The following TAFA2 variants were observed in gnomAD, a reference collection of about 807,000 sequenced individuals.
The protein encoded by TAFA2 is TAFA chemokine like family member 2.
TAFA2 carries 7 observed loss-of-function variants against 18.8 expected under a neutral mutation model. The observed-to-expected ratio is 0.37, with a 90% CI of 0.21 to 0.70. TAFA2 has a LOEUF of 0.70. Ranked by LOEUF, TAFA2 falls within the 30% of genes least tolerant of loss-of-function variation. The pLI is 0.53. For synonymous variants in TAFA2, 60 were observed against 54.2 expected (o/e 1.11, Z -0.47); for missense variants, 122 against 158.1 (o/e 0.77, Z 1.23).
At chr12:62,002,396 G>A (rs1880408587) in intron 1 of TAFA2, among the ~76,000 whole-genome samples, 1 of 152,090 alleles carries the variant, frequency 6.6e-6, no homozygotes, top group East Asian at 1.9e-4. Flanking sequence ...CCTCCCTTGT[G>A]TCTCAAGTAT....
chr12:61,709,900 A>G lies in TAFA2; in HGVS notation c.*506T>C, dbSNP rs923062333. The G allele has an allele frequency of 6.5e-6, 1 of 152,770 alleles. No homozygotes were observed. The highest frequency in any genetic ancestry group is 6.6e-5 in the Admixed American group (1 of 15,262). 9.5% of individuals were successfully genotyped at this position (152,770 alleles called of 1,614,324 possible). A position where few individuals can be genotyped will look rare whatever the true frequency, so the allele number is the denominator to read the frequency against. On this transcript the variant is annotated 3_prime_UTR_variant, in exon 5 of 5. Coordinates refer to ENST00000416284, the MANE Select transcript of TAFA2 (RefSeq NM_178539.5). Reference sequence around the variant, plus strand: ...TTTCTGAGCTCCAAGATTAGGATATAAATAAAATTGTCTCAGTCTACACCA... The same window carrying G: ...TTTCTGAGCTCCAAGATTAGGATATGAATAAAATTGTCTCAGTCTACACCA...
intron 1 of TAFA2, among the ~76,000 whole-genome samples, chr12:61,898,468 G>A (rs372588819): frequency 9.2e-5 from 14 of 152,166 alleles, no homozygotes; most frequent in East Asian, 5.8e-4. Context: ...TACATCCTCC[G>A]AAATCTATGC....
intron 1 of TAFA2, among the ~76,000 whole-genome samples, chr12:62,212,291 T>C (rs1217753359): frequency 2.0e-5 from 3 of 152,200 alleles, no homozygotes; most frequent in Non-Finnish European, 2.9e-5. Flanking sequence ...TTTAATGATA[T>C]TCAGCAATGG....
chr12:61,902,949 A>G (rs1249024419), intron 1 of TAFA2, among the ~76,000 whole-genome samples: 4 of 151,960 alleles, frequency 2.6e-5, no homozygotes, highest in Non-Finnish European at 4.4e-5. Context: ...TCCCATTTTC[A>G]ACCTGTCATC....
chr12:61,801,334 C>G (rs1007770031), intron 2 of TAFA2, among the ~76,000 whole-genome samples: 21 of 151,980 alleles, frequency 1.4e-4, no homozygotes, highest in Non-Finnish European at 2.8e-4. Context: ...GCAAAAAGAA[C>G]AAAGCTGAAG....
chr12:61,954,998 C>T (rs532141877), intron 1 of TAFA2, among the ~76,000 whole-genome samples: 50 of 152,146 alleles, frequency 3.3e-4, no homozygotes, highest in African/African-American at 1.2e-3. Context: ...TAATATAACC[C>T]TTCCTGAATA....
intron 2 of TAFA2, among the ~76,000 whole-genome samples, chr12:61,863,600 A>C (rs1874218657): frequency 6.6e-6 from 1 of 152,178 alleles, no homozygotes; most frequent in African/African-American, 2.4e-5. Flanking sequence ...CTGACCAACC[A>C]AAATCCTGAA....
intron 4 of TAFA2, among the ~76,000 whole-genome samples, chr12:61,731,258 GT>G (rs763236975): frequency 2.6e-4 from 40 of 152,082 alleles, no homozygotes; most frequent in Non-Finnish European, 4.7e-4. Flanking sequence ...TGGGTACTGA[GT>G]TTTTTGTCTG....
At chr12:62,183,934 A>T (rs1188401382) in intron 1 of TAFA2, among the ~76,000 whole-genome samples, 1 of 152,222 alleles carries the variant, frequency 6.6e-6, no homozygotes, top group Admixed American at 6.5e-5. Context: ...AACCCTAAAA[A>T]ACCTGAGACC....
At chr12:61,874,236 AC>A (rs767023771) in intron 1 of TAFA2, among the ~76,000 whole-genome samples, 16 of 152,194 alleles carry the variant, frequency 1.1e-4, no homozygotes, top group Non-Finnish European at 2.2e-4. Flanking sequence ...GATTAGCCTA[AC>A]TAGGTCATAT....
intron 1 of TAFA2, among the ~76,000 whole-genome samples, chr12:61,959,517 C>A (rs1399769084): frequency 6.6e-6 from 1 of 151,906 alleles, no homozygotes; most frequent in Non-Finnish European, 1.5e-5. Context: ...GCCAACTCAC[C>A]AAATTTTCTT....
intron 1 of TAFA2, among the ~76,000 whole-genome samples, chr12:62,030,965 C>T (rs1881442187): frequency 1.3e-5 from 2 of 152,142 alleles, no homozygotes. Context: ...TCTCAGGGCA[C>T]ATCAGCTCCT....
rs552524561 is a variant in TAFA2, at chr12:61,870,408, T to A, written c.-1-2982A>T. 2.2e-4 allele frequency among the ~76,000 whole-genome samples: 33 copies of A among 152,322 alleles called. 1 individual carries two copies. The South Asian group carries it at 6.6e-3, about 31-fold the overall frequency. On this transcript the variant is annotated intron_variant, in intron 1 of 4. Coordinates refer to ENST00000416284, the MANE Select transcript of TAFA2 (RefSeq NM_178539.5). ...TATTTAGTAAGTGCCTGATAAATTT[T>A]GTTGACTAAATGTAATGCATTCTCT...
chr12:61,920,628 A>AC, intron 1 of TAFA2, among the ~76,000 whole-genome samples: 1 of 152,118 alleles, frequency 6.6e-6, no homozygotes, highest in Non-Finnish European at 1.5e-5. Context: ...GTAAGTCTTC[A>AC]CTGTTTCTTG....
intron 1 of TAFA2, among the ~76,000 whole-genome samples, chr12:62,020,821 C>G (rs1225038457): frequency 6.6e-6 from 1 of 152,108 alleles, no homozygotes. Flanking sequence ...TTTTCTGTAG[C>G]CTGGTTTTAT....
At chr12:61,997,197 A>G (rs368766501) in intron 1 of TAFA2, among the ~76,000 whole-genome samples, 16,393 of 132,600 alleles carry the variant, frequency 0.12, 1,034 homozygotes, top group Middle Eastern at 0.19. Flanking sequence ...GTGTGTATAT[A>G]TATATATATA....
intron 4 of TAFA2, among the ~76,000 whole-genome samples, chr12:61,739,375 C>T (rs955671152): frequency 4.6e-5 from 7 of 152,024 alleles, no homozygotes; most frequent in Non-Finnish European, 8.8e-5. Context: ...CCATCTGTCA[C>T]TAATTTCAGT....
chr12:62,217,079 A>G (rs11615916), intron 1 of TAFA2, among the ~76,000 whole-genome samples: 16,318 of 152,234 alleles, frequency 0.11, 1,000 homozygotes, highest in Middle Eastern at 0.19. Context: ...CATGCCTGGT[A>G]TTCTGGTATT....
chr12:61,724,564 A>T (rs1870051565), intron 4 of TAFA2, among the ~76,000 whole-genome samples: 1 of 151,946 alleles, frequency 6.6e-6, no homozygotes, highest in Admixed American at 6.6e-5. Flanking sequence ...GAGTCCCCAA[A>T]GTTTATTGTA....
Sources: gnomAD v4.1 joint callset for allele counts (sites outside exome capture counted in the v4.1 genomes callset) on GRCh38, gnomAD v4.1.1 for gene constraint, MANE v1.5 for transcripts, NCBI Gene and HGNC (gene_info 2026-07-23, HGNC 2026-07-21) for gene names.